The following LPP variants were observed in gnomAD, a reference collection of about 807,000 sequenced individuals.
The protein encoded by LPP is lipoma-preferred partner.
Under a neutral mutation model 60.4 loss-of-function variants are expected in LPP, and 38 were observed. That is an observed-to-expected ratio of 0.63 (90% CI 0.49 to 0.83). The LOEUF (loss-of-function observed/expected upper bound fraction) is 0.83, where lower values mean the gene tolerates loss of function less well. LPP is among the 40% of genes least tolerant of loss of function. The pLI, the probability that LPP is intolerant of heterozygous loss-of-function variation, is 0.00. For missense variants in LPP, 902 were observed against 783.6 expected (o/e 1.15, Z -1.80); for synonymous variants, 328 against 290.8 (o/e 1.13, Z -1.30).
At chr3:188,563,425 T>G (rs1264840080) in intron 6 of LPP, among the ~76,000 whole-genome samples, 1 of 151,544 alleles carries the variant, frequency 6.6e-6, no homozygotes, top group African/African-American at 2.4e-5. Context: ...TTTCCAAGCA[T>G]GTATCTATAC....
chr3:188,187,470 A>T (rs914506320), intron 1 of LPP, among the ~76,000 whole-genome samples: 1 of 151,972 alleles, frequency 6.6e-6, no homozygotes, highest in Non-Finnish European at 1.5e-5. Flanking sequence ...TAAGCTTCTT[A>T]TTATAATTTC....
At chr3:188,629,850 A>G (rs1847537118) in intron 7 of LPP, among the ~76,000 whole-genome samples, 2 of 152,192 alleles carry the variant, frequency 1.3e-5, no homozygotes, top group African/African-American at 4.8e-5. Flanking sequence ...GACTGCAGTA[A>G]CTAAAACTTC....
At chr3:188,553,714 A>C (rs958993851) in intron 6 of LPP, 1 of 152,218 alleles carries the variant, frequency 6.6e-6, no homozygotes, top group African/African-American at 2.4e-5. Context: ...AAACAGAGAA[A>C]TTGAGATTTA....
At position 188,825,269 on chromosome 3, in the gene LPP, C is replaced by CTCTCTGTGTGTGTGTGTGTGTGTG. The variant is rs1463318065; in HGVS notation, c.1411-40930_1411-40929insCTCTGTGTGTGTGTGTGTGTGTGT. On this transcript the variant is annotated intron_variant, in intron 9 of 11. Transcript: ENST00000617246. The stretch of plus-strand genomic sequence containing the variant: ...TCTTTCTCTCTCTCTCTCTCTCTCT[C>CTCTCTGTGTGTGTGTGTGTGTGTG]TGTGTGTGTGTGTGTGTGTGTGTGT... Among the ~76,000 whole-genome samples the CTCTCTGTGTGTGTGTGTGTGTGTG allele has an allele frequency of 2.6e-4, 26 of 101,756 alleles. 1 individual carries two copies. Among genetic ancestry groups the CTCTCTGTGTGTGTGTGTGTGTGTG allele is most frequent in the Non-Finnish European group, 1.7e-4 (9 of 53,372 alleles). The allele number at this position is 101,756 out of a possible 152,430, so 66.8% of individuals were successfully genotyped here.
chr3:188,699,208 T>C (rs1863881195), intron 7 of LPP, among the ~76,000 whole-genome samples: 2 of 152,226 alleles, frequency 1.3e-5, no homozygotes, highest in African/African-American at 4.8e-5. Flanking sequence ...AAGAGCCAGA[T>C]GCTCCAAGCC....
chr3:188,680,295 A>AC (rs1483325696), intron 7 of LPP, among the ~76,000 whole-genome samples: 2 of 152,166 alleles, frequency 1.3e-5, no homozygotes, highest in African/African-American at 2.4e-5. Context: ...TCTAAATTGG[A>AC]TCGCTTCAGA....
At chr3:188,189,677 A>G (rs1329393129) in intron 1 of LPP, among the ~76,000 whole-genome samples, 1 of 151,860 alleles carries the variant, frequency 6.6e-6, no homozygotes, top group Non-Finnish European at 1.5e-5. Flanking sequence ...AAAAAAAAAG[A>G]CCTTGCTGAA....
At chr3:188,335,138 G>C (rs1761295216) in intron 2 of LPP, among the ~76,000 whole-genome samples, 1 of 152,164 alleles carries the variant, frequency 6.6e-6, no homozygotes, top group African/African-American at 2.4e-5. Context: ...CTTTCAATTT[G>C]AACGTGTCCA....
At chr3:188,727,258 G>A (rs560327032) in intron 8 of LPP, among the ~76,000 whole-genome samples, 38 of 152,254 alleles carry the variant, frequency 2.5e-4, no homozygotes, top group African/African-American at 8.7e-4. Flanking sequence ...GATTAAATAA[G>A]TTAATAATAC....
chr3:188,406,517 G>T (rs1436627942), intron 4 of LPP, among the ~76,000 whole-genome samples: 1 of 152,158 alleles, frequency 6.6e-6, no homozygotes, highest in East Asian at 1.9e-4. Flanking sequence ...GGGTTATATG[G>T]CTATGGTTAC....
chr3:188,862,264 A>C (rs1765361554), intron 9 of LPP, among the ~76,000 whole-genome samples: 1 of 152,184 alleles, frequency 6.6e-6, no homozygotes, highest in Non-Finnish European at 1.5e-5. Flanking sequence ...CTATGGCTTC[A>C]TGGGAGGAGA....
chr3:188,629,053 C>T (rs887688062), intron 7 of LPP, among the ~76,000 whole-genome samples: 1 of 152,144 alleles, frequency 6.6e-6, no homozygotes, highest in African/African-American at 2.4e-5. Flanking sequence ...TAAAATTCAA[C>T]ATCGCTTCAT....
At chr3:188,850,422 G>A (rs900265908) in intron 9 of LPP, among the ~76,000 whole-genome samples, 1 of 152,090 alleles carries the variant, frequency 6.6e-6, no homozygotes, top group Admixed American at 6.6e-5. Context: ...AGGAGAAATT[G>A]TGATATGTGA....
At chr3:188,542,398 A>C (rs1339288874) in intron 6 of LPP, among the ~76,000 whole-genome samples, 1 of 152,182 alleles carries the variant, frequency 6.6e-6, no homozygotes, top group African/African-American at 2.4e-5. Context: ...TCTCTCAGCT[A>C]GGGTAAATAT....
intron 3 of LPP, among the ~76,000 whole-genome samples, chr3:188,357,878 A>G (rs1177979926): frequency 6.6e-6 from 1 of 152,210 alleles, no homozygotes; most frequent in Non-Finnish European, 1.5e-5. Context: ...ACTCCTTGCT[A>G]GAGTGTGGAA....
At chr3:188,800,104 A>G (rs1746570487) in intron 9 of LPP, among the ~76,000 whole-genome samples, 2 of 151,686 alleles carry the variant, frequency 1.3e-5, no homozygotes, top group Non-Finnish European at 2.9e-5. Flanking sequence ...TTAGTGATAT[A>G]GAATTCTATA....
intron 3 of LPP, among the ~76,000 whole-genome samples, chr3:188,359,448 A>AGCT (rs1423066950): frequency 2.0e-5 from 3 of 152,226 alleles, no homozygotes; most frequent in Non-Finnish European, 4.4e-5. Context: ...AAACATGGTT[A>AGCT]AAGTCGGCAC....
At chr3:188,682,709 G>C (rs1206227470) in intron 7 of LPP, among the ~76,000 whole-genome samples, 2 of 152,210 alleles carry the variant, frequency 1.3e-5, no homozygotes, top group African/African-American at 4.8e-5. Context: ...AAGTTGTACT[G>C]AATGTCCAAG....
intron 2 of LPP, chr3:188,247,260 G>GTA: frequency 1.4e-6 from 1 of 729,598 alleles, no homozygotes; most frequent in Non-Finnish European, 1.7e-6. Flanking sequence ...CACTTTAGTG[G>GTA]GAAAAAAAAA....
Sources: gnomAD v4.1 joint callset for allele counts (sites outside exome capture counted in the v4.1 genomes callset) on GRCh38, gnomAD v4.1.1 for gene constraint, MANE v1.5 for transcripts, NCBI Gene and HGNC (gene_info 2026-07-23, HGNC 2026-07-21) for gene names.